VPS41: variants seen among roughly 807,000 people sequenced by gnomAD.
The protein encoded by VPS41 is VPS41 subunit of HOPS complex, also known as vacuolar protein sorting-associated protein 41 homolog.
Under a neutral mutation model 130.9 loss-of-function variants are expected in VPS41, and 85 were observed. The ratio of observed to expected loss-of-function variants is 0.65; its 90% CI spans 0.55 to 0.78. VPS41 has a LOEUF of 0.78. Among genes scored for constraint, VPS41 ranks in the 30% least tolerant of loss-of-function variants. The pLI is 0.00. For synonymous variants in VPS41, 335 were observed against 332.9 expected (o/e 1.01, Z -0.07); for missense variants, 874 against 1,018.7 (o/e 0.86, Z 1.93).
At chr7:38,776,354 T>C (rs891589498) in intron 11 of VPS41, among the ~76,000 whole-genome samples, 2 of 152,214 alleles carry the variant, frequency 1.3e-5, no homozygotes, top group African/African-American at 4.8e-5. Flanking sequence ...AGTTCATTGC[T>C]GTCATTTCTG....
At chr7:38,736,643 A>G (rs1489971754) in intron 25 of VPS41, among the ~76,000 whole-genome samples, 1 of 152,256 alleles carries the variant, frequency 6.6e-6, no homozygotes, top group African/African-American at 2.4e-5. Context: ...TACACAGGAT[A>G]TGATGTGGAA....
intron 2 of VPS41, among the ~76,000 whole-genome samples, chr7:38,878,935 T>C (rs1786545578): frequency 6.6e-6 from 1 of 152,200 alleles, no homozygotes; most frequent in Admixed American, 6.5e-5. Context: ...TTAGAAGTTT[T>C]AGCCAAGGCA....
At chr7:38,794,267 T>C (rs532273203) in intron 9 of VPS41, among the ~76,000 whole-genome samples, 6 of 152,238 alleles carry the variant, frequency 3.9e-5, no homozygotes, top group African/African-American at 4.8e-5. Context: ...CATCCTACGA[T>C]ATAGGCACAG....
chr7:38,755,822 A>G (rs536706889), intron 19 of VPS41, among the ~76,000 whole-genome samples: 1 of 152,298 alleles, frequency 6.6e-6, no homozygotes, highest in East Asian at 1.9e-4. Flanking sequence ...GGGAGACTAG[A>G]TATGAGGAAA....
At chr7:38,867,591 TGGG>T (rs1442413799) in intron 3 of VPS41, among the ~76,000 whole-genome samples, 3 of 151,692 alleles carry the variant, frequency 2.0e-5, no homozygotes, top group Admixed American at 6.6e-5. Context: ...AAATCTCCTG[TGGG>T]TAAGAATGGG....
chr7:38,883,377 T>C (rs945136135), intron 2 of VPS41, among the ~76,000 whole-genome samples: 5 of 152,218 alleles, frequency 3.3e-5, no homozygotes, highest in African/African-American at 1.2e-4. Context: ...CTAGAAGACA[T>C]CCAGCATGAC....
intron 14 of VPS41, among the ~76,000 whole-genome samples, chr7:38,769,896 A>T (rs971230021): frequency 6.6e-6 from 1 of 152,180 alleles, no homozygotes; most frequent in African/African-American, 2.4e-5. Context: ...GCTTAAATTG[A>T]CTTCTAGATG....
intron 4 of VPS41, among the ~76,000 whole-genome samples, chr7:38,861,053 A>G (rs1156720802): frequency 1.3e-5 from 2 of 152,170 alleles, no homozygotes; most frequent in East Asian, 3.8e-4. Context: ...AAATTTATGG[A>G]TGATACTATA....
At chr7:38,839,666 T>C (rs1471665506) in intron 4 of VPS41, among the ~76,000 whole-genome samples, 1 of 151,866 alleles carries the variant, frequency 6.6e-6, no homozygotes, top group Non-Finnish European at 1.5e-5. Flanking sequence ...CCTGACCTCA[T>C]GTGATCCTCC....
In VPS41 at chr7:38,755,741, C is replaced by G. The variant is rs188855465; in HGVS notation, c.1696-805G>C. Among the ~76,000 whole-genome samples, 684 of 152,286 alleles carry G rather than the reference C, an allele frequency of 4.5e-3. 4 individuals are homozygous for G. Among genetic ancestry groups the G allele is most frequent in the African/African-American group, 0.016 (659 of 41,556 alleles). Reference sequence around the variant, plus strand: ...ATTCTAGAATAGCAATTAGTTTCAGCTCATTCATCTTTTTTCCACAGGAAC... The same window carrying G: ...ATTCTAGAATAGCAATTAGTTTCAGGTCATTCATCTTTTTTCCACAGGAAC... On this transcript the variant is annotated intron_variant, in intron 19 of 28. Coordinates refer to ENST00000310301, the MANE Select transcript of VPS41 (RefSeq NM_014396.4).
intron 4 of VPS41, among the ~76,000 whole-genome samples, chr7:38,853,990 T>C (rs1386390893): frequency 6.6e-6 from 1 of 152,206 alleles, no homozygotes; most frequent in African/African-American, 2.4e-5. Context: ...AAGTTATCTA[T>C]AAATACTTAA....
At chr7:38,859,674 T>C (rs1786060577) in intron 4 of VPS41, among the ~76,000 whole-genome samples, 1 of 152,176 alleles carries the variant, frequency 6.6e-6, no homozygotes, top group Non-Finnish European at 1.5e-5. Context: ...TCTGTGTAAG[T>C]AGAGGCTATG....
intron 25 of VPS41, among the ~76,000 whole-genome samples, chr7:38,732,975 G>A (rs1795697127): frequency 6.6e-6 from 1 of 152,140 alleles, no homozygotes; most frequent in South Asian, 2.1e-4. Flanking sequence ...CCACAGGCAT[G>A]AGCCATCACG....
At chr7:38,749,910 C>T (rs1283504883) in intron 22 of VPS41, among the ~76,000 whole-genome samples, 1 of 152,098 alleles carries the variant, frequency 6.6e-6, no homozygotes, top group African/African-American at 2.4e-5. Context: ...TCGCCTAGGC[C>T]GGAGTGCACT....
chr7:38,840,826 C>G (rs1160272795), intron 4 of VPS41, among the ~76,000 whole-genome samples: 2 of 152,152 alleles, frequency 1.3e-5, no homozygotes, highest in Non-Finnish European at 1.5e-5. Flanking sequence ...GAAGAGAGGA[C>G]TTCCTTCATT....
At chr7:38,830,005 C>T (rs1469700127) in intron 5 of VPS41, among the ~76,000 whole-genome samples, 2 of 152,214 alleles carry the variant, frequency 1.3e-5, no homozygotes, top group Non-Finnish European at 2.9e-5. Context: ...TAAGGTGACA[C>T]GTCACCCTGC....
At chr7:38,868,116 T>A (rs1438676629) in intron 3 of VPS41, among the ~76,000 whole-genome samples, 1 of 151,950 alleles carries the variant, frequency 6.6e-6, no homozygotes, top group East Asian at 1.9e-4. Flanking sequence ...GCCTTATCAA[T>A]GGGGAGATGA....
chr7:38,828,747 G>A (rs1785328802), intron 5 of VPS41, among the ~76,000 whole-genome samples: 1 of 152,004 alleles, frequency 6.6e-6, no homozygotes, highest in African/African-American at 2.4e-5. Context: ...ACTAAAATAG[G>A]CAGCTATAAA....
chr7:38,868,516 A>G (rs1041836364), intron 3 of VPS41, among the ~76,000 whole-genome samples: 4 of 152,164 alleles, frequency 2.6e-5, no homozygotes, highest in African/African-American at 4.8e-5. Context: ...GGAAGAAGAG[A>G]GCAATGGGTG....
Sources: gnomAD v4.1 joint callset for allele counts (sites outside exome capture counted in the v4.1 genomes callset) on GRCh38, gnomAD v4.1.1 for gene constraint, MANE v1.5 for transcripts, NCBI Gene and HGNC (gene_info 2026-07-23, HGNC 2026-07-21) for gene names.